FIRRM: variants seen among roughly 807,000 people sequenced by gnomAD.
FIRRM encodes FIGNL1-interacting regulator of recombination and mitosis.
At chr1:169,801,433 G>A in the FIRRM span, among the ~76,000 whole-genome samples, 228 of 118,814 alleles carry the variant, frequency 1.9e-3, no homozygotes, top group African/African-American at 5.9e-3. Context: ...CAATAAGAGC[G>A]ATGCTCCGTC....
At chr1:169,799,025 G>A in the FIRRM span, 1 of 594,406 alleles carries the variant, frequency 1.7e-6, no homozygotes, top group Non-Finnish European at 2.9e-6. Flanking sequence ...ACATACCTCG[G>A]TAGATGTGTT....
At chr1:169,817,901 T>C in the FIRRM span, among the ~76,000 whole-genome samples, 256 of 152,274 alleles carry the variant, frequency 1.7e-3, 1 homozygote, top group Non-Finnish European at 3.0e-3. Context: ...GTTCAATTTA[T>C]GGAAAAACTG....
chr1:169,831,877 C>T, the FIRRM span, among the ~76,000 whole-genome samples: 1 of 152,180 alleles, frequency 6.6e-6, no homozygotes, highest in African/African-American at 2.4e-5. Context: ...CTCCCTCACC[C>T]TGCTGAGTAG....
At chr1:169,818,742 A>C in the FIRRM span, among the ~76,000 whole-genome samples, 1 of 152,162 alleles carries the variant, frequency 6.6e-6, no homozygotes, top group Non-Finnish European at 1.5e-5. Context: ...GCTGGAGTAC[A>C]ATGGCATGAT....
At chr1:169,849,136 C>T in the FIRRM span, among the ~76,000 whole-genome samples, 1 of 152,192 alleles carries the variant, frequency 6.6e-6, no homozygotes, top group East Asian at 1.9e-4. Flanking sequence ...ATGTGGGGGT[C>T]CAATTTGAAA....
the FIRRM span, chr1:169,851,661 C>A: frequency 1.2e-6 from 1 of 827,406 alleles, no homozygotes; most frequent in Non-Finnish European, 1.9e-6. Context: ...GTGATTTAAT[C>A]CAGATTATAC....
chr1:169,827,579 A>C, the FIRRM span: 1 of 939,694 alleles, frequency 1.1e-6, no homozygotes, highest in Non-Finnish European at 1.6e-6. Flanking sequence ...TGGAGGTTGC[A>C]GTGAGCTGAG....
the FIRRM span, among the ~76,000 whole-genome samples, chr1:169,804,911 G>A: frequency 6.6e-6 from 1 of 152,156 alleles, no homozygotes; most frequent in African/African-American, 2.4e-5. Flanking sequence ...TTGAACTCCT[G>A]ACCTCAGGTA....
chr1:169,805,853 A>G, the FIRRM span: 1 of 621,322 alleles, frequency 1.6e-6, no homozygotes, highest in Non-Finnish European at 2.8e-6. Flanking sequence ...AATAGTTTAA[A>G]TAATTCTTTT....
chr1:169,797,725 T>C, the FIRRM span, among the ~76,000 whole-genome samples: 1 of 151,844 alleles, frequency 6.6e-6, no homozygotes, highest in Non-Finnish European at 1.5e-5. Context: ...TTTGTATCTT[T>C]AGTAGAGATG....
At chr1:169,830,408 A>G in the FIRRM span, 1 of 1,345,858 alleles carries the variant, frequency 7.4e-7, no homozygotes, top group South Asian at 1.2e-5. Context: ...AGATAATTTT[A>G]TAATTGTAAG....
At chr1:169,788,687 A>G in the FIRRM span, among the ~76,000 whole-genome samples, 1 of 152,202 alleles carries the variant, frequency 6.6e-6, no homozygotes, top group Non-Finnish European at 1.5e-5. Flanking sequence ...AGTAAATGGA[A>G]AAAGATAGCT....
At chr1:169,835,377 C>T in the FIRRM span, among the ~76,000 whole-genome samples, 1 of 151,988 alleles carries the variant, frequency 6.6e-6, no homozygotes, top group African/African-American at 2.4e-5. Context: ...AGTAGTATTC[C>T]ATTGTATCAA....
chr1:169,846,384 T>C, the FIRRM span, among the ~76,000 whole-genome samples: 4 of 151,816 alleles, frequency 2.6e-5, no homozygotes, highest in Non-Finnish European at 5.9e-5. Context: ...AAGAAGAGAG[T>C]CTGTCCTTTG....
chr1:169,852,400 AATTAG>A, the FIRRM span: 2 of 250,846 alleles, frequency 8.0e-6, no homozygotes, highest in Non-Finnish European at 1.6e-5. Context: ...TTAGTATAGT[AATTAG>A]TATAGTAGTA....
At chr1:169,796,574 C>T in the FIRRM span, among the ~76,000 whole-genome samples, 1 of 152,240 alleles carries the variant, frequency 6.6e-6, no homozygotes. Context: ...ATCCGTTTAT[C>T]TCCATCCTCA....
At chr1:169,784,432 A>AT in the FIRRM span, among the ~76,000 whole-genome samples, 2 of 151,642 alleles carry the variant, frequency 1.3e-5, no homozygotes, top group Non-Finnish European at 2.9e-5. Flanking sequence ...GGGCTCTACC[A>AT]TTTTTTTTCC....
chr1:169,794,987 G>C, the FIRRM span: 16 of 776,562 alleles, frequency 2.1e-5, no homozygotes, highest in Non-Finnish European at 3.4e-5. Flanking sequence ...GAAACCAGCC[G>C]CCCTCCTCTC....
chr1:169,825,829 G>C, the FIRRM span, among the ~76,000 whole-genome samples: 1 of 152,128 alleles, frequency 6.6e-6, no homozygotes, highest in African/African-American at 2.4e-5. Flanking sequence ...TCCTCTGCTA[G>C]ACAGAGTTTT....
Sources: gnomAD v4.1 joint callset for allele counts (sites outside exome capture counted in the v4.1 genomes callset) on GRCh38, gnomAD v4.1.1 for gene constraint, MANE v1.5 for transcripts, NCBI Gene and HGNC (gene_info 2026-07-23, HGNC 2026-07-21) for gene names.